Variants in EIF4G1 observed in about 807,000 individuals in gnomAD.
EIF4G1 encodes the protein eukaryotic translation initiation factor 4 gamma 1.
In EIF4G1, 4 loss-of-function variants were observed where a neutral mutation model predicts 187.8. The ratio of observed to expected loss-of-function variants is 0.02; its 90% CI spans 0.01 to 0.05. The LOEUF (loss-of-function observed/expected upper bound fraction) is 0.05, where lower values mean the gene tolerates loss of function less well. Ranked by LOEUF, EIF4G1 falls within the 10% of genes least tolerant of loss-of-function variation. EIF4G1 has a pLI of 1.00. For missense variants in EIF4G1, 1,647 were observed against 2,081.1 expected, an observed-to-expected ratio of 0.79 and a Z score of 4.06; for synonymous variants, 844 against 781.4, an observed-to-expected ratio of 1.08 and a Z score of -1.34.
In EIF4G1 at chr3:184,318,244, A is replaced by G. The variant is rs548081640; in HGVS notation, c.424+428A>G. Among the ~76,000 whole-genome samples the G allele has an allele frequency of 9.8e-5, 15 of 152,344 alleles. No individual in the cohort carries two copies. The South Asian group carries it at 2.9e-3, about 29-fold the overall frequency. ...CCTATCAGGAAAAGTTTTGAGTATG[A>G]ATCTCTCATACATGTATGTTTTTGT... On this transcript the variant is annotated intron_variant, in intron 6 of 32. Coordinates refer to ENST00000346169, the MANE Select transcript of EIF4G1 (RefSeq NM_198241.3).
chr3:184,333,929 A>G (rs1726615956), intron 32 of EIF4G1, among the ~76,000 whole-genome samples: 1 of 152,010 alleles, frequency 6.6e-6, no homozygotes, highest in Non-Finnish European at 1.5e-5. Flanking sequence ...GCCCATTGCT[A>G]TGGGGTGGGG....
At chr3:184,328,316 G>A (rs549533720) in intron 26 of EIF4G1, 22 of 479,612 alleles carry the variant, frequency 4.6e-5, no homozygotes, top group Admixed American at 3.3e-4. Flanking sequence ...GCTTGAACCC[G>A]GGAGGTGGAG....
At position 184,321,770 on chromosome 3, in the gene EIF4G1, C is replaced by T; in HGVS notation, c.1186C>T (p.Pro396Ser). ...CTCCGAATCCCCTGTGCCCATTGCT[C>T]CAACTGCCCAACCTGAGGAACTGCT... ...CPSESPVPIA[P>S]TAQPEELLNG... The change falls in exon 10 of 33, where the codon CCA (proline) becomes TCA (serine). Residue 396 changes from proline (P) to serine (S), a missense_variant. Coordinates refer to ENST00000346169, the MANE Select transcript of EIF4G1 (RefSeq NM_198241.3). 1 of 1,609,194 alleles carries T rather than the reference C, an allele frequency of 6.2e-7. No homozygotes were observed. Among genetic ancestry groups the T allele is most frequent in the South Asian group, 1.1e-5 (1 of 90,896 alleles).
In EIF4G1 at chr3:184,322,597, A is replaced by G. The variant is rs769621807; in HGVS notation, c.1662A>G (p.Pro554=). The G allele has an allele frequency of 1.2e-6, 2 of 1,614,220 alleles. No homozygotes were observed. Among genetic ancestry groups the G allele is most frequent in the Admixed American group, 1.7e-5 (1 of 60,014 alleles). Residue 554 remains proline, a synonymous_variant, in exon 12 of 33, where the codon CCA becomes CCG. Coordinates refer to ENST00000346169, the MANE Select transcript of EIF4G1 (RefSeq NM_198241.3). ...VENQPPAGSN[P]GPESEGSGVP... is the part of the protein sequence containing the mutation. ...ATCAGCCTCCTGCAGGCAGCAATCC[A>G]GGCCCAGAGTCTGAGGGCAGTGGTG... is the stretch of plus-strand genomic sequence containing the variant.
rs1333924370 is a variant in EIF4G1, at chr3:184,334,750, G to A, written c.4642G>A (p.Ala1548Thr). The change falls in exon 33 of 33, where the codon GCA (alanine) becomes ACA (threonine). Residue 1548 changes from alanine to threonine, a missense_variant. Coordinates refer to ENST00000346169, the MANE Select transcript of EIF4G1 (RefSeq NM_198241.3). The surrounding 1 kb of genome is among the most constrained non-coding windows in gnomAD (Gnocchi z 5.8). Reference protein sequence around the residue: ...PPNLLRMFFDALYDEDVVKED... With the variant: ...PPNLLRMFFDTLYDEDVVKED... ...AGACCTGCTGCGGATGTTCTTTGAC[G>A]CACTGTATGACGAGGACGTGGTGAA... 28 of 1,614,186 alleles carry A rather than the reference G, an allele frequency of 1.7e-5. No individual in the cohort carries two copies. The highest frequency in any genetic ancestry group is 3.3e-5 in the South Asian group (3 of 91,080).
intron 28 of EIF4G1, among the ~76,000 whole-genome samples, chr3:184,330,086 G>A (rs971074300): frequency 3.3e-5 from 5 of 152,102 alleles, no homozygotes; most frequent in South Asian, 2.1e-4. Context: ...TTCTTTATGC[G>A]CTGTTAAGAA....
intron 1 of EIF4G1, chr3:184,315,175 A>G: frequency 2.8e-6 from 1 of 353,756 alleles, no homozygotes; most frequent in South Asian, 2.1e-5. Context: ...CACTTGCCTG[A>G]AACCGGCTCC....
In EIF4G1 at chr3:184,325,721, C is replaced by T. The variant is rs746733096; in HGVS notation, c.3121+82C>T. On this transcript the variant is annotated intron_variant, in intron 20 of 32. Transcript: ENST00000346169. This position sits in a 1 kb window ranked among gnomAD's most constrained non-coding sequence, Gnocchi z 5.2. ...TTCCTCTGATGACTTCCTGTTAGTG[C>T]CACGTGTCTGGGCCACTGAGACACC... The T allele has an allele frequency of 1.6e-5, 25 of 1,610,816 alleles. No individual in the cohort carries two copies. The highest frequency in any genetic ancestry group is 1.7e-5 in the Non-Finnish European group (20 of 1,177,166).
intron 6 of EIF4G1, among the ~76,000 whole-genome samples, chr3:184,318,585 C>T (rs1215306393): frequency 2.0e-5 from 3 of 152,136 alleles, no homozygotes; most frequent in Non-Finnish European, 4.4e-5. Flanking sequence ...AGCTCCGTCT[C>T]TACTAAATTT....
At chr3:184,316,352 C>A in intron 4 of EIF4G1, 134 bp downstream of exon 4, 1 of 1,187,862 alleles carries the variant, frequency 8.4e-7, no homozygotes, top group Non-Finnish European at 1.2e-6. Flanking sequence ...TGCGGCTCTG[C>A]GCCTTGCCCT....
chr3:184,330,954 G>C (rs1349989838), intron 28 of EIF4G1, among the ~76,000 whole-genome samples: 1 of 152,064 alleles, frequency 6.6e-6, no homozygotes, highest in Non-Finnish European at 1.5e-5. Context: ...TGGTCAGGCT[G>C]GTCTCCGACT....
At chr3:184,319,830 T>C (rs1367240402) in intron 7 of EIF4G1, 29 bp downstream of exon 7, 2 of 1,462,540 alleles carry the variant, frequency 1.4e-6, no homozygotes, top group African/African-American at 1.4e-5. Context: ...CTCCGGGACA[T>C]CTGGGAAGGG....
At chr3:184,331,176 A>G (rs897525774) in intron 28 of EIF4G1, 90 bp from the exon 29 acceptor site, 1 of 1,366,498 alleles carries the variant, frequency 7.3e-7, no homozygotes, top group African/African-American at 1.4e-5. Context: ...GTAGGCTTTC[A>G]GTAAATATTT....
chr3:184,328,045 A>C (rs774808076), intron 26 of EIF4G1, 43 bp downstream of exon 26: 2 of 1,594,434 alleles, frequency 1.3e-6, no homozygotes, highest in Admixed American at 3.3e-5. Flanking sequence ...ACAGACCCAC[A>C]ATTTTCTATC....
rs201538846 is a variant in EIF4G1, at chr3:184,331,937, T to G, written c.4478-9T>G. ...GTATATTGCTCCACTCATCCCTGTC[T>G]TCTTGTAGTTGAGACTCCCCTCCGA... is the stretch of plus-strand genomic sequence containing the variant. On this transcript the variant is annotated splice_polypyrimidine_tract_variant and intron_variant, in intron 31 of 32. Coordinates refer to ENST00000346169, the MANE Select transcript of EIF4G1 (RefSeq NM_198241.3). 55 of 1,614,004 alleles carry G rather than the reference T, an allele frequency of 3.4e-5. No homozygotes were observed. Among genetic ancestry groups the G allele is most frequent in the Middle Eastern group, 1.6e-4 (1 of 6,062 alleles).
Position 184,323,314 on chromosome 3 carries a change from G to C in EIF4G1, c.2088+73G>C. On this transcript the variant is annotated intron_variant, in intron 14 of 32. Coordinates refer to ENST00000346169, the MANE Select transcript of EIF4G1 (RefSeq NM_198241.3). The surrounding 1 kb of genome is among the most constrained non-coding windows in gnomAD (Gnocchi z 6.9). ...ATGATTCCGTGTCTCAGTGCCCGCG[G>C]GGAGGGGTTTGCCCTGGAGGCGTGT... 2 of 1,611,760 alleles carry C rather than the reference G, an allele frequency of 1.2e-6. No individual in the cohort carries two copies. Among genetic ancestry groups the C allele is most frequent in the Non-Finnish European group, 1.7e-6 (2 of 1,178,296 alleles).
At position 184,334,639 on chromosome 3, in the gene EIF4G1, T is replaced by C; in HGVS notation, c.4619-88T>C. 2 of 1,540,380 alleles carry C rather than the reference T, an allele frequency of 1.3e-6. No homozygotes were observed. Among genetic ancestry groups the C allele is most frequent in the Admixed American group, 3.4e-5 (2 of 58,468 alleles). On this transcript the variant is annotated intron_variant, in intron 32 of 32. Transcript: ENST00000346169. The surrounding 1 kb of genome is among the most constrained non-coding windows in gnomAD (Gnocchi z 5.8). ...TCAGGCTGGTGCATCAGGGCCTTGT[T>C]TGAACAGTGGAACTTGGGAGGGTTC...
At chr3:184,332,606 G>A (rs993184596) in intron 32 of EIF4G1, among the ~76,000 whole-genome samples, 5 of 152,096 alleles carry the variant, frequency 3.3e-5, no homozygotes, top group African/African-American at 1.2e-4. Flanking sequence ...TAGTACTGGC[G>A]TGAGCAATGA....
intron 1 of EIF4G1, chr3:184,315,264 C>G: frequency 4.5e-6 from 2 of 446,898 alleles, no homozygotes; most frequent in Non-Finnish European, 9.0e-6. Flanking sequence ...GGCGGCAGGC[C>G]TAGCTTCTGG....
Sources: allele counts gnomAD v4.1 joint callset (sites outside exome capture counted in the v4.1 genomes callset), GRCh38; gene constraint gnomAD v4.1.1; non-coding constraint Gnocchi (gnomAD v3.1); transcripts MANE v1.5; gene names NCBI Gene and HGNC (gene_info 2026-07-23, HGNC 2026-07-21).